The following NLRP5 variants were observed in gnomAD, a reference collection of about 807,000 sequenced individuals.
The protein encoded by NLRP5 is NLR family pyrin domain containing 5.
A neutral mutation model predicts 113.1 loss-of-function variants in NLRP5; 93 were observed. The observed-to-expected ratio is 0.82, with a 90% CI of 0.70 to 0.98. NLRP5 has a LOEUF of 0.98. Among genes scored for constraint, NLRP5 ranks in the 50% least tolerant of loss-of-function variants. The pLI, the probability that NLRP5 is intolerant of heterozygous loss-of-function variation, is 0.00. For synonymous variants in NLRP5, 751 were observed against 600.7 expected (o/e 1.25, Z -3.66); for missense variants, 1,808 against 1,514.3 (o/e 1.19, Z -3.22).
chr19:56,042,435 C>A (rs928486319), intron 11 of NLRP5, among the ~76,000 whole-genome samples: 4 of 152,056 alleles, frequency 2.6e-5, no homozygotes, highest in African/African-American at 9.7e-5. Flanking sequence ...CCTCCACCTC[C>A]CCTCCCAGGT....
the NLRP5 span, among the ~76,000 whole-genome samples, chr19:55,988,811 ACCTT>A: frequency 1.3e-5 from 2 of 151,932 alleles, no homozygotes; most frequent in Admixed American, 6.6e-5. Context: ...TTCTCAAATA[ACCTT>A]CCTTCTTAAT....
intron 10 of NLRP5, among the ~76,000 whole-genome samples, chr19:56,039,392 C>T (rs1360445417): frequency 1.3e-5 from 2 of 152,220 alleles, no homozygotes; most frequent in Non-Finnish European, 2.9e-5. Context: ...CTGGACAGCA[C>T]AGCTCTAGGT....
chr19:55,990,485 G>GT, the NLRP5 span, among the ~76,000 whole-genome samples: 5 of 151,864 alleles, frequency 3.3e-5, no homozygotes, highest in Non-Finnish European at 7.4e-5. Context: ...GAGGTCAGGG[G>GT]TTTGAGACCA....
At chr19:56,000,686 A>T (rs916400493) in intron 1 of NLRP5, among the ~76,000 whole-genome samples, 1 of 151,874 alleles carries the variant, frequency 6.6e-6, no homozygotes, top group Non-Finnish European at 1.5e-5. Flanking sequence ...AAAGCATATT[A>T]AATTACTAAA....
At chr19:55,996,138 C>G (rs1382338576), upstream of NLRP5, among the ~76,000 whole-genome samples, 2 of 152,120 alleles carry the variant, frequency 1.3e-5, no homozygotes, top group African/African-American at 4.8e-5. Flanking sequence ...GTTTCTTTTT[C>G]TTCCCTAATT....
upstream of NLRP5, chr19:55,999,629 C>A: frequency 1.1e-6 from 1 of 932,064 alleles, no homozygotes; most frequent in Non-Finnish European, 1.8e-6. Flanking sequence ...TCACTGAAAC[C>A]TCACAGTAAC....
At chr19:56,036,080 T>TTTTTG (rs1983303275) in intron 9 of NLRP5, among the ~76,000 whole-genome samples, 4 of 143,934 alleles carry the variant, frequency 2.8e-5, no homozygotes, top group African/African-American at 2.7e-5. Flanking sequence ...TTTTTTTTTT[T>TTTTTG]GGAGACAGAG....
intron 7 of NLRP5, 119 bp downstream of exon 7, chr19:56,028,628 G>A (rs1312191587): frequency 5.0e-6 from 5 of 992,478 alleles, no homozygotes; most frequent in Non-Finnish European, 7.5e-6. Context: ...AGGATGAATG[G>A]CCCAGATGAC....
chr19:56,005,920 A>C (rs900909150), intron 2 of NLRP5, among the ~76,000 whole-genome samples: 2 of 152,222 alleles, frequency 1.3e-5, no homozygotes, highest in Non-Finnish European at 2.9e-5. Context: ...GGATCTTACA[A>C]GATACATAAC....
At chr19:55,998,728 A>ATATATATATG (rs1262553481), upstream of NLRP5, among the ~76,000 whole-genome samples, 2 of 130,344 alleles carry the variant, frequency 1.5e-5, no homozygotes, top group Admixed American at 7.8e-5. Flanking sequence ...ATATATATAT[A>ATATATATATG]TGTGTATATA....
At chr19:56,032,804 AG>A in intron 8 of NLRP5, 23 bp downstream of exon 8, 2 of 1,586,334 alleles carry the variant, frequency 1.3e-6, no homozygotes, top group Non-Finnish European at 1.7e-6. Context: ...GCCCCCTACG[AG>A]AGAATCCCTT....
At chr19:56,039,222 G>A (rs571692230) in intron 10 of NLRP5, among the ~76,000 whole-genome samples, 7 of 152,300 alleles carry the variant, frequency 4.6e-5, no homozygotes, top group Admixed American at 3.9e-4. Context: ...TGGTGATGCC[G>A]GGAGTCAAGG....
chr19:55,989,205 T>C, the NLRP5 span, among the ~76,000 whole-genome samples: 185 of 152,290 alleles, frequency 1.2e-3, 2 homozygotes, highest in African/African-American at 4.1e-3. Context: ...TGTCTACTTA[T>C]CTTCTACTAA....
intron 1 of NLRP5, among the ~76,000 whole-genome samples, chr19:56,000,655 C>T (rs544692545): frequency 2.8e-4 from 43 of 151,916 alleles, no homozygotes; most frequent in Non-Finnish European, 1.2e-4. Context: ...TGAGCCACTG[C>T]GCTCAGCCAC....
chr19:56,046,302 C>T (rs137862753), intron 11 of NLRP5, among the ~76,000 whole-genome samples: 138 of 152,168 alleles, frequency 9.1e-4, no homozygotes, highest in African/African-American at 3.1e-3. Context: ...CCCACTTGAT[C>T]ATGGTGGATT....
At chr19:56,042,934 CT>C (rs59248624) in intron 11 of NLRP5, among the ~76,000 whole-genome samples, 7,854 of 151,970 alleles carry the variant, frequency 0.052, 255 homozygotes, top group East Asian at 0.19. Context: ...TAATTCATTC[CT>C]TTTTATGGCT....
chr19:56,009,656 A>C (rs387220), intron 3 of NLRP5, among the ~76,000 whole-genome samples: 140,382 of 152,116 alleles, frequency 0.92, 64,907 homozygotes, highest in East Asian at 0.96. Flanking sequence ...AAGATGACAC[A>C]AGGGAAGGCA....
intron 11 of NLRP5, among the ~76,000 whole-genome samples, chr19:56,046,732 G>A (rs1291117052): frequency 6.6e-6 from 1 of 151,960 alleles, no homozygotes; most frequent in African/African-American, 2.4e-5. Context: ...TTTTAGTAGA[G>A]ACGGGGTTTC....
chr19:56,033,729 T>A lies in NLRP5; in HGVS notation c.2615+20T>A, dbSNP rs776797005. 1 of 1,573,288 alleles carries A rather than the reference T, an allele frequency of 6.4e-7. No homozygotes were observed. Among genetic ancestry groups the A allele is most frequent in the South Asian group, 1.2e-5 (1 of 85,682 alleles). The stretch of plus-strand genomic sequence containing the variant: ...TTTGAGGTACGTCTCTGGTAGAGCT[T>A]TTGCCTTGTTTTTCTTCGTTTTTAC... On this transcript the variant is annotated intron_variant, in intron 9 of 14. Coordinates refer to ENST00000390649, the MANE Select transcript of NLRP5 (RefSeq NM_153447.4).
Sources: gnomAD v4.1 joint callset for allele counts (sites outside exome capture counted in the v4.1 genomes callset) on GRCh38, gnomAD v4.1.1 for gene constraint, MANE v1.5 for transcripts, NCBI Gene and HGNC (gene_info 2026-07-23, HGNC 2026-07-21) for gene names.